FGF9: variants seen among roughly 807,000 people sequenced by gnomAD.
FGF9 encodes the protein fibroblast growth factor 9 (glia-activating factor).
A neutral mutation model predicts 19.9 loss-of-function variants in FGF9; 3 were observed. That is an observed-to-expected ratio of 0.15 (90% CI 0.07 to 0.39). The LOEUF (loss-of-function observed/expected upper bound fraction) is 0.39, where lower values mean the gene tolerates loss of function less well. FGF9 is among the 10% of genes least tolerant of loss of function. FGF9 has a pLI of 1.00. For synonymous variants in FGF9, 107 were observed against 106.9 expected (o/e 1.00, Z -0.01); for missense variants, 175 against 256.8 (o/e 0.68, Z 2.18).
At chr13:21,698,395 G>A (rs1490935935) in intron 2 of FGF9, among the ~76,000 whole-genome samples, 1 of 152,164 alleles carries the variant, frequency 6.6e-6, no homozygotes, top group Non-Finnish European at 1.5e-5. Context: ...GTTGTTGACT[G>A]GGAGCTTCCT....
At position 21,672,104 on chromosome 13, in the gene FGF9, G is replaced by A. The variant is rs775361742; in HGVS notation, c.192G>A (p.Arg64=). The part of the protein sequence containing the change: ...LDHLKGILRR[R]QLYCRTGFHL... Reference sequence around the variant, plus strand: ...ATTTAAAGGGGATTCTCAGGCGGAGGCAGCTATACTGCAGGACTGGATTTC... The same window carrying A: ...ATTTAAAGGGGATTCTCAGGCGGAGACAGCTATACTGCAGGACTGGATTTC... The change falls in exon 1 of 3, where the codon AGG becomes AGA. Residue 64 remains arginine (R), a synonymous_variant. Transcript: ENST00000382353. This position sits in a 1 kb window ranked among gnomAD's most constrained non-coding sequence, Gnocchi z 4.2. 3 of 1,614,226 alleles carry A rather than the reference G, an allele frequency of 1.9e-6. No individual in the cohort carries two copies. The highest frequency in any genetic ancestry group is 2.5e-6 in the Non-Finnish European group (3 of 1,180,042).
chr13:21,689,383 G>C (rs189468088), intron 2 of FGF9, among the ~76,000 whole-genome samples: 15 of 152,100 alleles, frequency 9.9e-5, no homozygotes, highest in African/African-American at 3.6e-4. Context: ...ACCGAGTCTT[G>C]CATGCACTTG....
At position 21,702,687 on chromosome 13, in the gene FGF9, C is replaced by T. The variant is rs1185408493; in HGVS notation, c.*1252C>T. 3 of 152,020 alleles carry T rather than the reference C, an allele frequency of 2.0e-5. No homozygotes were observed. Among genetic ancestry groups the T allele is most frequent in the African/African-American group, 7.2e-5 (3 of 41,396 alleles). 9.4% of individuals were successfully genotyped at this position (152,020 alleles called of 1,614,324 possible). ...ATACTTGTAAACTTTTTTTGGTTCA[C>T]TTGGCTATCAAATATGAAATTATAG... On this transcript the variant is annotated 3_prime_UTR_variant, in exon 3 of 3. Coordinates refer to ENST00000382353, the MANE Select transcript of FGF9 (RefSeq NM_002010.3).
At chr13:21,676,366 G>T (rs1871915632) in intron 1 of FGF9, among the ~76,000 whole-genome samples, 1 of 152,100 alleles carries the variant, frequency 6.6e-6, no homozygotes, top group Non-Finnish European at 1.5e-5. Flanking sequence ...TTAAACAGGT[G>T]TTTAAAACTT....
chr13:21,676,914 A>G (rs947326013), intron 1 of FGF9, among the ~76,000 whole-genome samples: 10 of 152,134 alleles, frequency 6.6e-5, no homozygotes, highest in African/African-American at 2.4e-4. Context: ...ATGTGAACAG[A>G]ACTGGGGCAG....
At position 21,702,121 on chromosome 13, in the gene FGF9, G is replaced by T. The variant is rs1407247951; in HGVS notation, c.*686G>T. 6.6e-6 allele frequency: 1 copy of T among 151,918 alleles called. No homozygotes were observed. Among genetic ancestry groups the T allele is most frequent in the Non-Finnish European group, 1.5e-5 (1 of 68,000 alleles). 9.4% of individuals were successfully genotyped at this position (151,918 alleles called of 1,614,324 possible). On this transcript the variant is annotated 3_prime_UTR_variant, in exon 3 of 3. Transcript: ENST00000382353. Reference sequence around the variant, plus strand: ...TTTTTAATGAAACATGTACAGGCCAGATAGGCATTTTGGAAGCTTTAGGCT... The same window carrying T: ...TTTTTAATGAAACATGTACAGGCCATATAGGCATTTTGGAAGCTTTAGGCT...
At chr13:21,679,077 C>T (rs985642934) in intron 1 of FGF9, among the ~76,000 whole-genome samples, 2 of 152,126 alleles carry the variant, frequency 1.3e-5, no homozygotes, top group Non-Finnish European at 2.9e-5. Flanking sequence ...TTCCCATTTG[C>T]TTTTGAAGTA....
At chr13:21,673,884 G>T (rs1482591651) in intron 1 of FGF9, 3 of 151,406 alleles carry the variant, frequency 2.0e-5, no homozygotes, top group East Asian at 1.9e-4. Flanking sequence ...CGCACTTAGC[G>T]GCTGCCCGGC....
rs1195407050 is a variant in FGF9, at chr13:21,671,402, G to C, written c.-511G>C. On this transcript the variant is annotated 5_prime_UTR_variant, in exon 1 of 3. An upstream start codon of the reference 5' UTR is lost. Coordinates refer to ENST00000382353, the MANE Select transcript of FGF9 (RefSeq NM_002010.3). ...TTTTTTTTCCCCTTGAAGGATTCAT[G>C]CTGATGTCTGCAGAGTCGGTTAGAG... The C allele has an allele frequency of 2.5e-6, 1 of 398,968 alleles. No homozygotes were observed. The highest frequency in any genetic ancestry group is 4.4e-6 in the Non-Finnish European group (1 of 227,008). 24.7% of individuals were successfully genotyped at this position (398,968 alleles called of 1,614,324 possible).
At chr13:21,688,228 C>T (rs568564953) in intron 2 of FGF9, among the ~76,000 whole-genome samples, 3 of 152,298 alleles carry the variant, frequency 2.0e-5, no homozygotes, top group East Asian at 1.9e-4. Context: ...GGTTCAGTTC[C>T]GATTGCTTTG....
chr13:21,671,690 G>C lies in FGF9; in HGVS notation c.-223G>C. 2 of 614,818 alleles carry C rather than the reference G, an allele frequency of 3.3e-6. No homozygotes were observed. The highest frequency in any genetic ancestry group is 2.9e-6 in the Non-Finnish European group (1 of 347,666). The allele number at this position is 614,818 out of a possible 1,614,324, so 38.1% of individuals were successfully genotyped here. A position where few individuals can be genotyped will look rare whatever the true frequency, so the allele number is the denominator to read the frequency against. On this transcript the variant is annotated 5_prime_UTR_variant, in exon 1 of 3. Transcript: ENST00000382353. ...ATATGTCAGTGTGTGAGTATAAAGT[G>C]GTGGTTTCTTAGACTATCAGTGGTT...
In FGF9 at chr13:21,701,700, A is replaced by AGTGTGTGT. The variant is rs761639029; in HGVS notation, c.*266_*273dup. Reference sequence around the variant, plus strand: ...AGAGAGAGAGAGACTGAGCGCTAGGAGTGTGTGTATGTGTGTGTGTGTGTG... The same window carrying AGTGTGTGT: ...AGAGAGAGAGAGACTGAGCGCTAGGAGTGTGTGTGTGTGTGTATGTGTGTGTGTGTGTG... On this transcript the variant is annotated 3_prime_UTR_variant, in exon 3 of 3. Coordinates refer to ENST00000382353, the MANE Select transcript of FGF9 (RefSeq NM_002010.3). 2.7e-5 allele frequency: 12 copies of AGTGTGTGT among 441,912 alleles called. No individual in the cohort carries two copies. Among genetic ancestry groups the AGTGTGTGT allele is most frequent in the East Asian group, 1.7e-4 (4 of 23,126 alleles). The allele number at this position is 441,912 out of a possible 1,614,324, so 27.4% of individuals were successfully genotyped here. A position where few individuals can be genotyped will look rare whatever the true frequency, so the allele number is the denominator to read the frequency against.
At chr13:21,686,473 A>T (rs1293781825) in intron 2 of FGF9, among the ~76,000 whole-genome samples, 1 of 152,284 alleles carries the variant, frequency 6.6e-6, no homozygotes, top group Non-Finnish European at 1.5e-5. Flanking sequence ...TAGCTGGTAC[A>T]GGTACTAACA....
At chr13:21,688,846 C>T (rs184253573) in intron 2 of FGF9, among the ~76,000 whole-genome samples, 2 of 150,728 alleles carry the variant, frequency 1.3e-5, no homozygotes, top group African/African-American at 2.4e-5. Context: ...AGTGGACAAT[C>T]GTCTTTTAAA....
rs553610200 is a variant in FGF9, at chr13:21,701,513, G to T, written c.*78G>T. ...TCACGCGGTGGGTTCTTATTGATTC[G>T]CTGTGTCATCACATCAGCTCCACTG... On this transcript the variant is annotated 3_prime_UTR_variant, in exon 3 of 3. Transcript: ENST00000382353. 5 of 1,600,484 alleles carry T rather than the reference G, an allele frequency of 3.1e-6. No individual in the cohort carries two copies. In the South Asian group the frequency reaches 3.3e-5, roughly 11 times the overall value.
At chr13:21,674,769 T>C (rs1317172704) in intron 1 of FGF9, among the ~76,000 whole-genome samples, 1 of 151,164 alleles carries the variant, frequency 6.6e-6, no homozygotes, top group Non-Finnish European at 1.5e-5. Flanking sequence ...GTCGAGTCAT[T>C]AGAAATCCCG....
Position 21,701,663 on chromosome 13 carries a change from T to C in FGF9, c.*228T>C, listed in dbSNP as rs1872546078. 1 of 541,844 alleles carries C rather than the reference T, an allele frequency of 1.8e-6. No homozygotes were observed. Among genetic ancestry groups the C allele is most frequent in the South Asian group, 2.0e-5 (1 of 50,778 alleles). 33.6% of individuals were successfully genotyped at this position (541,844 alleles called of 1,614,324 possible). On this transcript the variant is annotated 3_prime_UTR_variant, in exon 3 of 3. Transcript: ENST00000382353. ...CTAGGGCCACTTGCTTGATTTATCATGAGAGAAGAGGAGAGAGAGAGAGAC... is the reference window on the plus strand; with the variant it reads ...CTAGGGCCACTTGCTTGATTTATCACGAGAGAAGAGGAGAGAGAGAGAGAC...
At chr13:21,700,763 T>A (rs1377944666) in intron 2 of FGF9, among the ~76,000 whole-genome samples, 1 of 152,238 alleles carries the variant, frequency 6.6e-6, no homozygotes, top group African/African-American at 2.4e-5. Context: ...ATTTGACTCA[T>A]TCAAATGATT....
Position 21,703,997 on chromosome 13 carries a change from T to C in FGF9, c.*2562T>C, listed in dbSNP as rs1297467562. 1 of 152,118 alleles carries C rather than the reference T, an allele frequency of 6.6e-6. No individual in the cohort carries two copies. Among genetic ancestry groups the C allele is most frequent in the East Asian group, 1.9e-4 (1 of 5,196 alleles). The allele number at this position is 152,118 out of a possible 1,614,324, so 9.4% of individuals were successfully genotyped here. A position where few individuals can be genotyped will look rare whatever the true frequency, so the allele number is the denominator to read the frequency against. ...TGACTCATGCGATTTATGTAAATAG[T>C]GGAACTGGGAGAGTGGATGGCTCAG... On this transcript the variant is annotated 3_prime_UTR_variant, in exon 3 of 3. Transcript: ENST00000382353.
Sources: gnomAD v4.1 joint callset for allele counts (sites outside exome capture counted in the v4.1 genomes callset) on GRCh38, gnomAD v4.1.1 for gene constraint, Gnocchi (gnomAD v3.1) non-coding constraint, MANE v1.5 for transcripts, NCBI Gene and HGNC (gene_info 2026-07-23, HGNC 2026-07-21) for gene names.